Variants in HAS3 observed in about 807,000 individuals in gnomAD.
The protein encoded by HAS3 is hyaluronan synthase 3, also known as HA synthase 3.
A neutral mutation model predicts 50.3 loss-of-function variants in HAS3; 27 were observed. The observed-to-expected ratio is 0.54, with a 90% CI of 0.40 to 0.74. HAS3 has a LOEUF of 0.74. Among genes scored for constraint, HAS3 ranks in the 30% least tolerant of loss-of-function variants. The pLI is 0.00. For synonymous variants in HAS3, 339 were observed against 310.9 expected, an observed-to-expected ratio of 1.09 and a Z score of -0.95; for missense variants, 517 against 742.8, an observed-to-expected ratio of 0.70 and a Z score of 3.53.
At chr16:69,097,644 C>T in the HAS3 span, among the ~76,000 whole-genome samples, 1 of 152,106 alleles carries the variant, frequency 6.6e-6, no homozygotes, top group African/African-American at 2.4e-5. Flanking sequence ...CTGGGACTTC[C>T]CTGGGTGGGA....
chr16:69,098,552 C>T, the HAS3 span, among the ~76,000 whole-genome samples: 1 of 151,248 alleles, frequency 6.6e-6, no homozygotes, highest in Non-Finnish European at 1.5e-5. Context: ...CTTAAAATAC[C>T]TTTTTATTAC....
In HAS3 at chr16:69,106,055, C is replaced by A. The variant is rs1365206840; in HGVS notation, c.-1+268C>A. On this transcript the variant is annotated intron_variant, in intron 1 of 3. Coordinates refer to ENST00000569188, the MANE Select transcript of HAS3 (RefSeq NM_001199280.2). This position sits in a 1 kb window ranked among gnomAD's most constrained non-coding sequence, Gnocchi z 5.5. ...CGCGTCCACCCGGGACTAGGCGTCC[C>A]CGCCGAGCGCTGGCTTGTGGCGCTC... Among the ~76,000 whole-genome samples the A allele has an allele frequency of 6.6e-6, 1 of 152,146 alleles. No homozygotes were observed. The highest frequency in any genetic ancestry group is 1.5e-5 in the Non-Finnish European group (1 of 68,010).
chr16:69,101,788 CTTTT>C (rs35588789), upstream of HAS3, among the ~76,000 whole-genome samples: 2 of 118,416 alleles, frequency 1.7e-5, no homozygotes, highest in East Asian at 2.1e-4. Flanking sequence ...TACTTGTACT[CTTTT>C]TTTTTTTTAT....
upstream of HAS3, among the ~76,000 whole-genome samples, chr16:69,101,947 G>T (rs1460390678): frequency 6.6e-6 from 1 of 152,042 alleles, no homozygotes; most frequent in Non-Finnish European, 1.5e-5. Context: ...GCCACACCTG[G>T]CTAATTTTTT....
rs147358041 is a variant in HAS3 at position 69,109,947 on chromosome 16, G to A, written c.552G>A (p.Ser184=). 8.7e-5 allele frequency: 140 copies of A among 1,613,968 alleles called. 1 individual carries two copies. Among genetic ancestry groups the A allele is most frequent in the East Asian group, 1.3e-4 (6 of 44,896 alleles). ...VRDVVRASTF[S]CIMQKWGGKR... ...ATGTGGTGCGGGCCAGCACCTTCTC[G>A]TGCATCATGCAGAAGTGGGGAGGCA... The change falls in exon 2 of 4, where the codon TCG becomes TCA. Residue 184 remains serine (S), a synonymous_variant. Transcript: ENST00000569188. This position sits in a 1 kb window ranked among gnomAD's most constrained non-coding sequence, Gnocchi z 5.3.
the HAS3 span, among the ~76,000 whole-genome samples, chr16:69,086,936 G>A: frequency 6.6e-6 from 1 of 152,064 alleles, no homozygotes. Context: ...AAACTTAAAC[G>A]AAATACACGG....
chr16:69,116,001 G>A lies in HAS3; in HGVS notation c.*735G>A. 1 of 985,732 alleles carries A rather than the reference G, an allele frequency of 1.0e-6. No individual in the cohort carries two copies. Among genetic ancestry groups the A allele is most frequent in the African/African-American group, 1.7e-5 (1 of 57,354 alleles). 61.1% of individuals were successfully genotyped at this position (985,732 alleles called of 1,614,324 possible). A position where few individuals can be genotyped will look rare whatever the true frequency, so the allele number is the denominator to read the frequency against. ...GGCCATAAGCTACACAGAGGCCTTG[G>A]GTGTTCCACCTGGAAACTGCTCAGA... On this transcript the variant is annotated 3_prime_UTR_variant, in exon 4 of 4. Transcript: ENST00000569188.
the HAS3 span, among the ~76,000 whole-genome samples, chr16:69,094,095 G>C: frequency 2.0e-5 from 3 of 152,182 alleles, no homozygotes; most frequent in African/African-American, 7.2e-5. Flanking sequence ...TTGCAGAGTG[G>C]GTGTGGTGCC....
Position 69,107,755 on chromosome 16 carries a change from TG to T in HAS3, c.1-1638del. 1 of 942,958 alleles carries T rather than the reference TG, an allele frequency of 1.1e-6. No homozygotes were observed. Among genetic ancestry groups the T allele is most frequent in the Non-Finnish European group, 1.3e-6 (1 of 791,068 alleles). 58.4% of individuals were successfully genotyped at this position (942,958 alleles called of 1,614,324 possible). The stretch of plus-strand genomic sequence containing the variant: ...CTGCGGATGCAGGCCTGGGGACTCC[TG>T]GGCCGCAGGCGCGAGCAGTAGGGTG... On this transcript the variant is annotated intron_variant, in intron 1 of 3. Transcript: ENST00000569188. This position sits in a 1 kb window ranked among gnomAD's most constrained non-coding sequence, Gnocchi z 5.5.
At chr16:69,101,888 G>A (rs539839901), upstream of HAS3, among the ~76,000 whole-genome samples, 12 of 151,904 alleles carry the variant, frequency 7.9e-5, no homozygotes, top group African/African-American at 2.4e-4. Context: ...GGGTTCAAAC[G>A]ATTCTCCTGC....
At chr16:69,092,599 T>A in the HAS3 span, among the ~76,000 whole-genome samples, 4 of 58,856 alleles carry the variant, frequency 6.8e-5, no homozygotes, top group Non-Finnish European at 1.2e-4. Flanking sequence ...CAACTCCGTC[T>A]CAAAAAAAAA....
chr16:69,095,592 T>C, the HAS3 span, among the ~76,000 whole-genome samples: 1 of 151,990 alleles, frequency 6.6e-6, no homozygotes, highest in African/African-American at 2.4e-5. Context: ...GTTCCAGGCA[T>C]TCATGATTTT....
intron 2 of HAS3, among the ~76,000 whole-genome samples, chr16:69,111,472 G>A (rs1028547585): frequency 7.2e-5 from 11 of 152,312 alleles, no homozygotes; most frequent in Middle Eastern, 3.4e-3. Flanking sequence ...CACTTGATCA[G>A]TGCTTGAAGG....
chr16:69,111,998 G>A (rs754574001), intron 2 of HAS3, among the ~76,000 whole-genome samples: 19 of 152,258 alleles, frequency 1.2e-4, no homozygotes, highest in Non-Finnish European at 2.6e-4. Context: ...GAGCCAGTGA[G>A]CGCTTGCTGG....
chr16:69,114,407 A>G lies in HAS3; in HGVS notation c.803A>G (p.Asn268Ser). Residue 268 changes from asparagine to serine, a missense_variant, in exon 4 of 4, where the codon AAC (asparagine) becomes AGC (serine). By Grantham distance (46) the Asn-to-Ser change is conservative. Transcript: ENST00000569188. This position sits in a 1 kb window ranked among gnomAD's most constrained non-coding sequence, Gnocchi z 6.4. ...LSSVRYWMAF[N>S]VERACQSYFG... is the part of the protein sequence containing the mutation. ...AGCGTGCGGTACTGGATGGCCTTCA[A>G]CGTGGAGCGGGCCTGCCAGTCCTAC... The G allele has an allele frequency of 6.2e-7, 1 of 1,612,160 alleles. No individual in the cohort carries two copies. Among genetic ancestry groups the G allele is most frequent in the African/African-American group, 1.3e-5 (1 of 75,042 alleles).
rs746856097 is a variant in HAS3, at chr16:69,115,242, C to T, written c.1638C>T (p.Tyr546=). The part of the protein sequence containing the change: ...ARRCGKKPEQ[Y]SLAFAEV ...GATGTGGGAAGAAGCCGGAGCAGTA[C>T]AGCTTGGCTTTTGCTGAGGTGTGAC... The change falls in exon 4 of 4, where the codon TAC becomes TAT. Residue 546 remains tyrosine, a synonymous_variant. Transcript: ENST00000569188. 1.2e-5 allele frequency: 18 copies of T among 1,525,864 alleles called. No individual in the cohort carries two copies. The South Asian group carries it at 2.0e-4, about 17-fold the overall frequency. 94.5% of individuals were successfully genotyped at this position (1,525,864 alleles called of 1,614,324 possible). A position where few individuals can be genotyped will look rare whatever the true frequency, so the allele number is the denominator to read the frequency against.
At chr16:69,103,063 C>A (rs1213163216), upstream of HAS3, among the ~76,000 whole-genome samples, 2 of 149,514 alleles carry the variant, frequency 1.3e-5, no homozygotes, top group Non-Finnish European at 3.0e-5. Flanking sequence ...ATTTGAATTA[C>A]CAATGCTTAA....
rs1168930808 is a variant in HAS3, at chr16:69,117,399, G to GTTA, written c.*2136_*2138dup. On this transcript the variant is annotated 3_prime_UTR_variant, in exon 4 of 4. Coordinates refer to ENST00000569188, the MANE Select transcript of HAS3 (RefSeq NM_001199280.2). ...GTTTGACCTCGACTGGTTTTTCTAA[G>GTTA]TTATTTTGTACATTTTTCAGCAGCA... 2 of 985,652 alleles carry GTTA rather than the reference G, an allele frequency of 2.0e-6. No individual in the cohort carries two copies. The highest frequency in any genetic ancestry group is 4.7e-5 in the South Asian group (1 of 21,292). 61.1% of individuals were successfully genotyped at this position (985,652 alleles called of 1,614,324 possible). A position where few individuals can be genotyped will look rare whatever the true frequency, so the allele number is the denominator to read the frequency against.
At position 69,114,277 on chromosome 16, in the gene HAS3, T is replaced by A; in HGVS notation, c.739-66T>A. Reference sequence around the variant, plus strand: ...CAGAAGCCATGGTAAGGAGGCCTCGTGGTCTCTGATGTCTGTCCTCCGGAC... The same window carrying A: ...CAGAAGCCATGGTAAGGAGGCCTCGAGGTCTCTGATGTCTGTCCTCCGGAC... On this transcript the variant is annotated intron_variant, in intron 3 of 3. Coordinates refer to ENST00000569188, the MANE Select transcript of HAS3 (RefSeq NM_001199280.2). The surrounding 1 kb of genome is among the most constrained non-coding windows in gnomAD (Gnocchi z 6.4). 1 of 1,513,298 alleles carries A rather than the reference T, an allele frequency of 6.6e-7. No individual in the cohort carries two copies. The highest frequency in any genetic ancestry group is 8.8e-7 in the Non-Finnish European group (1 of 1,137,510). The allele number at this position is 1,513,298 out of a possible 1,614,324, so 93.7% of individuals were successfully genotyped here.
Sources: gnomAD v4.1 joint callset for allele counts (sites outside exome capture counted in the v4.1 genomes callset) on GRCh38, gnomAD v4.1.1 for gene constraint, Gnocchi (gnomAD v3.1) non-coding constraint, MANE v1.5 for transcripts, NCBI Gene and HGNC (gene_info 2026-07-23, HGNC 2026-07-21) for gene names.